CLDN14: variants seen among roughly 807,000 people sequenced by gnomAD.
CLDN14 encodes the protein claudin-14.
In CLDN14, 2 loss-of-function variants were observed where a neutral mutation model predicts 2.1. The observed-to-expected ratio is 0.96, with a 90% CI of 0.39 to 3.01. The LOEUF is 3.01. CLDN14 is among the 30% of genes most tolerant of loss of function. The pLI, the probability that CLDN14 is intolerant of heterozygous loss-of-function variation, is 0.09. For synonymous variants in CLDN14, 136 were observed against 154.4 expected (o/e 0.88, Z 0.88); for missense variants, 298 against 328.0 (o/e 0.91, Z 0.71).
intron 1 of CLDN14, among the ~76,000 whole-genome samples, chr21:36,569,218 C>G (rs967424621): frequency 6.6e-6 from 1 of 152,166 alleles, no homozygotes; most frequent in Non-Finnish European, 1.5e-5. Flanking sequence ...GAGTTCGAGA[C>G]CAGCCTGCCC....
At chr21:36,489,117 GAAA>G (rs869298653) in intron 2 of CLDN14, among the ~76,000 whole-genome samples, 22 of 57,010 alleles carry the variant, frequency 3.9e-4, no homozygotes, top group Admixed American at 1.3e-3. Flanking sequence ...CTGTCTCAAA[GAAA>G]AAAAAAAAAA....
intron 1 of CLDN14, among the ~76,000 whole-genome samples, chr21:36,569,726 T>C (rs2087695605): frequency 6.6e-6 from 1 of 152,170 alleles, no homozygotes; most frequent in Non-Finnish European, 1.5e-5. Context: ...AAGATGCCTT[T>C]GTAATAGGGA....
At chr21:36,542,342 T>C (rs771127399) in intron 1 of CLDN14, among the ~76,000 whole-genome samples, 13 of 152,188 alleles carry the variant, frequency 8.5e-5, no homozygotes, top group Admixed American at 1.3e-4. Flanking sequence ...TTCCCTCACC[T>C]TGGGAGAGCA....
chr21:36,482,195 A>G (rs553863693), upstream of CLDN14, among the ~76,000 whole-genome samples: 32 of 152,338 alleles, frequency 2.1e-4, no homozygotes, highest in African/African-American at 6.5e-4. Context: ...TCGAATGCCA[A>G]TCAGGGGTAA....
At chr21:36,533,184 C>T (rs1423611714) in intron 1 of CLDN14, among the ~76,000 whole-genome samples, 1 of 152,194 alleles carries the variant, frequency 6.6e-6, no homozygotes, top group East Asian at 1.9e-4. Context: ...GCACATCTGG[C>T]TGTGCCTTCC....
At chr21:36,502,656 G>A (rs1036742676) in intron 2 of CLDN14, among the ~76,000 whole-genome samples, 2 of 152,172 alleles carry the variant, frequency 1.3e-5, no homozygotes, top group Non-Finnish European at 2.9e-5. Flanking sequence ...AAATTGTACA[G>A]TATTTGACAC....
Position 36,524,814 on chromosome 21 carries a change from C to T in CLDN14, c.-219-14314G>A, listed in dbSNP as rs2087310863. Among the ~76,000 whole-genome samples the T allele has an allele frequency of 3.3e-5, 5 of 152,344 alleles. No homozygotes were observed. In the South Asian group the frequency reaches 1.0e-3, roughly 32 times the overall value. On this transcript the variant is annotated intron_variant, in intron 1 of 2. Transcript: ENST00000342108. ...CCTGGTATGCTCTGCCGGGCTGTGA[C>T]TCACGGAGGGACGGGCCCTGCACCC...
intron 1 of CLDN14, among the ~76,000 whole-genome samples, chr21:36,570,032 A>G (rs930761833): frequency 1.3e-4 from 20 of 152,208 alleles, no homozygotes; most frequent in African/African-American, 4.8e-4. Context: ...TACACTTTTT[A>G]TGGAGACACG....
chr21:36,477,880 G>A (rs1027927433), intron 1 of CLDN14, among the ~76,000 whole-genome samples: 5 of 152,306 alleles, frequency 3.3e-5, no homozygotes, highest in Middle Eastern at 3.4e-3. Flanking sequence ...CAAATGGTGC[G>A]AGTGAAGAAT....
chr21:36,525,716 G>A (rs1160097771), intron 1 of CLDN14, among the ~76,000 whole-genome samples: 1 of 152,276 alleles, frequency 6.6e-6, no homozygotes, highest in African/African-American at 2.4e-5. Flanking sequence ...TGGTGAAGCC[G>A]AGGCTCTGCC....
intron 2 of CLDN14, among the ~76,000 whole-genome samples, chr21:36,491,782 C>G (rs1179334525): frequency 6.6e-6 from 1 of 152,050 alleles, no homozygotes; most frequent in African/African-American, 2.4e-5. Flanking sequence ...TACAGCTTTC[C>G]CAGTAAATAT....
upstream of CLDN14, among the ~76,000 whole-genome samples, chr21:36,482,732 T>C (rs1228671904): frequency 6.6e-6 from 1 of 152,122 alleles, no homozygotes; most frequent in East Asian, 1.9e-4. Flanking sequence ...GTAAAGGTTG[T>C]GGTAAAACTT....
At chr21:36,569,415 C>CAA (rs749837574) in intron 1 of CLDN14, among the ~76,000 whole-genome samples, 20,138 of 119,250 alleles carry the variant, frequency 0.17, 1,523 homozygotes, top group Non-Finnish European at 0.22. Flanking sequence ...GACTCCGTCT[C>CAA]AAAAAAAAAA....
Position 36,501,332 on chromosome 21 carries a change from C to CTTTTTTTTTTTTTTTTTTTTT in CLDN14, c.-82+9010_-82+9030dup, listed in dbSNP as rs58458004. On this transcript the variant is annotated intron_variant, in intron 2 of 2. Transcript: ENST00000342108. ...AATGGGAGTTTCAGTCAATATCTCA[C>CTTTTTTTTTTTTTTTTTTTTT]TTTTTTTTTTTTTTTTTTTTTTTTT... Among the ~76,000 whole-genome samples, 6 of 48,446 alleles carry CTTTTTTTTTTTTTTTTTTTTT rather than the reference C, an allele frequency of 1.2e-4. 1 individual carries two copies. Among genetic ancestry groups the CTTTTTTTTTTTTTTTTTTTTT allele is most frequent in the Non-Finnish European group, 1.7e-4 (4 of 23,302 alleles). 31.8% of individuals were successfully genotyped at this position (48,446 alleles called of 152,430 possible).
chr21:36,481,143 T>C (rs958158507), upstream of CLDN14: 1 of 152,006 alleles, frequency 6.6e-6, no homozygotes, highest in African/African-American at 2.4e-5. Context: ...TCCTTAGAGG[T>C]TTCCCACCAG....
At position 36,460,973 on chromosome 21, in the gene CLDN14, G is replaced by A. The variant is rs2086558609; in HGVS notation, c.*3C>T. On this transcript the variant is annotated 3_prime_UTR_variant, in exon 2 of 2. Coordinates refer to ENST00000399135, the MANE Select transcript of CLDN14 (RefSeq NM_001146079.2). The surrounding 1 kb of genome is among the most constrained non-coding windows in gnomAD (Gnocchi z 4.0). Reference sequence around the variant, plus strand: ...GCCCAGGGGAGAAGCAGGCTGTGGGGACTCACACGTAGTCGTTCAGCCTGT... The same window carrying A: ...GCCCAGGGGAGAAGCAGGCTGTGGGAACTCACACGTAGTCGTTCAGCCTGT... 13 of 1,611,876 alleles carry A rather than the reference G, an allele frequency of 8.1e-6. No individual in the cohort carries two copies. The highest frequency in any genetic ancestry group is 1.1e-5 in the South Asian group (1 of 90,924).
intron 1 of CLDN14, among the ~76,000 whole-genome samples, chr21:36,525,125 C>G (rs2087313786): frequency 6.6e-6 from 1 of 152,190 alleles, no homozygotes; most frequent in South Asian, 2.1e-4. Context: ...CCAAACCACT[C>G]AACAAGCAGC....
chr21:36,465,703 C>T (rs150229898), intron 1 of CLDN14, among the ~76,000 whole-genome samples: 3 of 152,366 alleles, frequency 2.0e-5, no homozygotes, highest in African/African-American at 7.2e-5. Context: ...CCAGGGGGAG[C>T]AGCCCATGCA....
chr21:36,504,190 AT>A (rs1222160848), intron 2 of CLDN14, among the ~76,000 whole-genome samples: 1 of 151,420 alleles, frequency 6.6e-6, no homozygotes, highest in Non-Finnish European at 1.5e-5. Flanking sequence ...AAATAAAAAA[AT>A]TACCTGGGCA....
Sources: allele counts gnomAD v4.1 joint callset (sites outside exome capture counted in the v4.1 genomes callset), GRCh38; gene constraint gnomAD v4.1.1; non-coding constraint Gnocchi (gnomAD v3.1); transcripts MANE v1.5; gene names NCBI Gene and HGNC (gene_info 2026-07-23, HGNC 2026-07-21).